MYO19: variants seen among roughly 807,000 people sequenced by gnomAD.
The protein encoded by MYO19 is myosin XIX, also known as unconventional myosin-XIX.
A neutral mutation model predicts 129.2 loss-of-function variants in MYO19; 132 were observed. The observed-to-expected ratio is 1.02, with a 90% CI of 0.89 to 1.18. MYO19 has a LOEUF of 1.18. Among genes scored for constraint, MYO19 ranks in the 50% most tolerant of loss-of-function variants. The pLI, the probability that MYO19 is intolerant of heterozygous loss-of-function variation, is 0.00. For missense variants in MYO19, 1,210 were observed against 1,216.7 expected, an observed-to-expected ratio of 0.99 and a Z score of 0.08; for synonymous variants, 531 against 477.2, an observed-to-expected ratio of 1.11 and a Z score of -1.47.
intron 3 of MYO19, among the ~76,000 whole-genome samples, chr17:36,531,941 A>C (rs1200099099): frequency 6.6e-6 from 1 of 152,238 alleles, no homozygotes; most frequent in African/African-American, 2.4e-5. Context: ...ATGAAGGATG[A>C]TATGGGTATG....
At chr17:36,528,786 T>C (rs577310390) in intron 3 of MYO19, among the ~76,000 whole-genome samples, 31 of 152,310 alleles carry the variant, frequency 2.0e-4, no homozygotes, top group African/African-American at 7.0e-4. Context: ...ATTTAGTCAG[T>C]GCCCGGCATA....
chr17:36,495,747 TTC>T lies in MYO19; in HGVS notation c.*502_*503del, dbSNP rs2070911632. On this transcript the variant is annotated 3_prime_UTR_variant, in exon 26 of 26. Coordinates refer to ENST00000614623, the MANE Select transcript of MYO19 (RefSeq NM_001163735.2). The stretch of plus-strand genomic sequence containing the variant: ...CAGTGTTAATAAAATCAAAACGTGA[TTC>T]TACTGTACATTGCATTATTCATAAT... The T allele has an allele frequency of 5.6e-6, 7 of 1,246,390 alleles. No individual in the cohort carries two copies. The highest frequency in any genetic ancestry group is 6.0e-6 in the Non-Finnish European group (6 of 996,598). The allele number at this position is 1,246,390 out of a possible 1,614,324, so 77.2% of individuals were successfully genotyped here.
intron 17 of MYO19, 36 bp from the exon 18 acceptor site, chr17:36,506,644 G>T: frequency 6.6e-7 from 1 of 1,512,670 alleles, no homozygotes; most frequent in Non-Finnish European, 8.8e-7. Flanking sequence ...GTGAGGGCAG[G>T]TGGAGCTTCT....
intron 2 of MYO19, among the ~76,000 whole-genome samples, chr17:36,540,028 C>T (rs759191430): frequency 2.6e-5 from 4 of 151,666 alleles, no homozygotes; most frequent in Non-Finnish European, 5.9e-5. Flanking sequence ...GTTGGGAGGG[C>T]ACCAAGCACA....
Position 36,496,091 on chromosome 17 carries a change from C to A in MYO19, c.*160G>T. The A allele has an allele frequency of 3.0e-6, 3 of 996,808 alleles. No homozygotes were observed. The South Asian group carries it at 4.8e-5, about 16-fold the overall frequency. 61.7% of individuals were successfully genotyped at this position (996,808 alleles called of 1,614,324 possible). On this transcript the variant is annotated 3_prime_UTR_variant, in exon 26 of 26. Transcript: ENST00000614623. The stretch of plus-strand genomic sequence containing the variant: ...TAGCCTGGAACCCCAGGCCCACTGA[C>A]GCACTGGGCACGGGGCTCTGGGTCG...
In MYO19 at chr17:36,506,095, G is replaced by A. The variant is rs141803688; in HGVS notation, c.1797+361C>T. Among the ~76,000 whole-genome samples, 32 of 152,154 alleles carry A rather than the reference G, an allele frequency of 2.1e-4. 1 individual carries two copies. The highest frequency in any genetic ancestry group is 2.0e-4 in the Admixed American group (3 of 15,278). On this transcript the variant is annotated intron_variant, in intron 18 of 25. Coordinates refer to ENST00000614623, the MANE Select transcript of MYO19 (RefSeq NM_001163735.2). ...GACTGAGAGGTGGTAGAAAGCAGAC[G>A]ATGTGAGAGAAGTGAGTGAGGGTAG...
chr17:36,543,189 C>T (rs2074207544), exon 1 of MYO19: 1 of 152,156 alleles, frequency 6.6e-6, no homozygotes, highest in South Asian at 2.1e-4. Context: ...CGTAGTTTCA[C>T]TCGTCGCCCA....
rs2072281096 is a variant in MYO19, at chr17:36,510,934, C to G, written c.986-17G>C. The G allele has an allele frequency of 4.5e-6, 7 of 1,557,186 alleles. No homozygotes were observed. The highest frequency in any genetic ancestry group is 6.1e-6 in the Non-Finnish European group (7 of 1,148,950). On this transcript the variant is annotated splice_polypyrimidine_tract_variant and intron_variant, in intron 12 of 25. Transcript: ENST00000614623. ...TGACAGAGTCTGGGAGGGGCAAATCCTCTTTAGGCAAATCACTCTCCATCC... is the reference window on the plus strand; with the variant it reads ...TGACAGAGTCTGGGAGGGGCAAATCGTCTTTAGGCAAATCACTCTCCATCC...
chr17:36,499,348 C>A (rs1048850815), intron 23 of MYO19, 188 bp from the exon 24 acceptor site: 1 of 435,612 alleles, frequency 2.3e-6, no homozygotes, highest in African/African-American at 2.0e-5. Flanking sequence ...ACATTCCTTA[C>A]ACTGCCCACA....
At position 36,541,105 on chromosome 17, in the gene MYO19, A is replaced by G. The variant is rs147334586; in HGVS notation, n.395+976T>C. Among the ~76,000 whole-genome samples the G allele has an allele frequency of 3.4e-3, 510 of 151,890 alleles. 3 individuals carry two copies. The highest frequency in any genetic ancestry group is 0.012 in the African/African-American group (498 of 41,356). ...TGGGACTACAGGTGCCCGCCACCAC[A>G]CCCGGCTGATTTTTTGTATTTTTAT... is the stretch of plus-strand genomic sequence containing the variant. On this transcript the variant is annotated intron_variant and non_coding_transcript_variant, in intron 2 of 2. Transcript: ENST00000610496.
upstream of MYO19, chr17:36,537,664 G>A: frequency 6.2e-7 from 1 of 1,614,150 alleles, no homozygotes; most frequent in Non-Finnish European, 8.5e-7. Context: ...GTCAGGAGGA[G>A]AAAATATATG....
chr17:36,504,045 GGCACCTGCA>G, intron 19 of MYO19, 25 bp from the exon 20 acceptor site: 1 of 1,533,700 alleles, frequency 6.5e-7, no homozygotes, highest in Non-Finnish European at 8.7e-7. Flanking sequence ...AGACAGGGCA[GGCACCTGCA>G]GCATGGGGCC....
In MYO19 at chr17:36,514,683, G is replaced by A. The variant is rs114986394; in HGVS notation, c.618-135C>T. On this transcript the variant is annotated intron_variant, in intron 8 of 25. Coordinates refer to ENST00000614623, the MANE Select transcript of MYO19 (RefSeq NM_001163735.2). ...CTTCCACTTAGCCAATGGGCACTGA[G>A]GGGTGGGGACCACTCAGAATGTCCT... is the stretch of plus-strand genomic sequence containing the variant. 532 of 650,924 alleles carry A rather than the reference G, an allele frequency of 8.2e-4. 2 individuals carry two copies. In the African/African-American group the frequency reaches 8.3e-3, roughly 10 times the overall value. The allele number at this position is 650,924 out of a possible 1,614,324, so 40.3% of individuals were successfully genotyped here.
intron 5 of MYO19, 127 bp downstream of exon 5, chr17:36,527,424 C>T (rs997995205): frequency 1.0e-5 from 11 of 1,070,730 alleles, no homozygotes; most frequent in South Asian, 3.7e-5. Context: ...TTGGGCAGGC[C>T]GTGGCACTAG....
Position 36,496,325 on chromosome 17 carries a change from C to T in MYO19, c.2839G>A (p.Gly947Ser). 1.2e-6 allele frequency: 2 copies of T among 1,613,972 alleles called. No homozygotes were observed. Among genetic ancestry groups the T allele is most frequent in the East Asian group, 4.5e-5 (2 of 44,880 alleles). ...CPEPSPYSITGFNQILLERHR... is the reference protein window; with the variant it reads ...CPEPSPYSITSFNQILLERHR... Reference sequence around the variant, plus strand: ...CTTTCCAGCAGAATCTGATTAAAGCCTGTAATGCTGTAGGGTGAAGGTTCA... The same window carrying T: ...CTTTCCAGCAGAATCTGATTAAAGCTTGTAATGCTGTAGGGTGAAGGTTCA... The change falls in exon 26 of 26, where the codon GGC (glycine) becomes AGC (serine). Residue 947 changes from glycine (G) to serine (S), a missense_variant. Coordinates refer to ENST00000614623, the MANE Select transcript of MYO19 (RefSeq NM_001163735.2).
intron 23 of MYO19, 45 bp downstream of exon 23, chr17:36,500,785 C>A (rs752773658): frequency 1.9e-6 from 3 of 1,572,068 alleles, no homozygotes; most frequent in Non-Finnish European, 2.6e-6. Flanking sequence ...AACCAACATC[C>A]TGTGGGGTCT....
chr17:36,530,526 G>A (rs1041324387), intron 3 of MYO19, among the ~76,000 whole-genome samples: 1 of 142,408 alleles, frequency 7.0e-6, no homozygotes, highest in African/African-American at 2.6e-5. Context: ...GCGCGATCTC[G>A]ACTCACTGCA....
chr17:36,508,472 GCT>G (rs2072080545), intron 14 of MYO19: 1 of 156,742 alleles, frequency 6.4e-6, no homozygotes, highest in Admixed American at 6.2e-5. Flanking sequence ...ATAGGGTCTT[GCT>G]CTGTTGACCA....
intron 6 of MYO19, among the ~76,000 whole-genome samples, chr17:36,521,883 T>C (rs1287651343): frequency 2.0e-5 from 3 of 151,688 alleles, no homozygotes; most frequent in Admixed American, 1.3e-4. Flanking sequence ...ATACAAAAAT[T>C]AGCTGGGTGT....
Sources: gnomAD v4.1 joint callset for allele counts (sites outside exome capture counted in the v4.1 genomes callset) on GRCh38, gnomAD v4.1.1 for gene constraint, MANE v1.5 for transcripts, NCBI Gene and HGNC (gene_info 2026-07-23, HGNC 2026-07-21) for gene names.